Variants in ANKAR observed in about 807,000 individuals in gnomAD.
ANKAR encodes ankyrin and armadillo repeat containing.
In ANKAR, 136 loss-of-function variants were observed where a neutral mutation model predicts 146.2. That is an observed-to-expected ratio of 0.93 (90% confidence interval 0.81 to 1.07). The LOEUF (loss-of-function observed/expected upper bound fraction) is 1.07, where lower values mean the gene tolerates loss of function less well. Ranked by LOEUF, ANKAR falls within the 50% of genes least tolerant of loss-of-function variation. ANKAR has a pLI of 0.00. For synonymous variants in ANKAR, 500 were observed against 575.8 expected, an observed-to-expected ratio of 0.87 and a Z score of 1.88; for missense variants, 1,567 against 1,679.9, an observed-to-expected ratio of 0.93 and a Z score of 1.18.
chr2:189,682,548 C>A (rs2105756040), intron 2 of ANKAR, among the ~76,000 whole-genome samples: 1 of 152,228 alleles, frequency 6.6e-6, no homozygotes, highest in South Asian at 2.1e-4. Context: ...ACTGTGAAAT[C>A]CTACAGGGCC....
intron 17 of ANKAR, among the ~76,000 whole-genome samples, chr2:189,736,502 T>TTTTTTTTTTTTTG (rs1422561376): frequency 1.1e-4 from 15 of 142,066 alleles, no homozygotes; most frequent in African/African-American, 3.6e-4. Flanking sequence ...TGACTGGGTT[T>TTTTTTTTTTTTTG]TGTGTGTGTG....
intron 9 of ANKAR, among the ~76,000 whole-genome samples, chr2:189,708,787 G>A (rs530339298): frequency 2.6e-5 from 4 of 152,144 alleles, no homozygotes; most frequent in Admixed American, 1.3e-4. Flanking sequence ...ACTATCCTCC[G>A]TTTCAGGCAT....
At chr2:189,727,811 A>G (rs2042039626) in intron 12 of ANKAR, 45 bp from the exon 13 acceptor site, 10 of 1,586,620 alleles carry the variant, frequency 6.3e-6, no homozygotes, top group South Asian at 1.1e-5. Flanking sequence ...TGATATTCTT[A>G]TTTTTCATAA....
At chr2:189,726,751 G>C (rs547814507) in intron 12 of ANKAR, among the ~76,000 whole-genome samples, 2 of 152,166 alleles carry the variant, frequency 1.3e-5, no homozygotes, top group African/African-American at 4.8e-5. Context: ...TCTACTAATT[G>C]CCTTGTAGTT....
At chr2:189,691,954 G>T (rs192414704) in intron 3 of ANKAR, among the ~76,000 whole-genome samples, 2 of 152,006 alleles carry the variant, frequency 1.3e-5, no homozygotes, top group Non-Finnish European at 2.9e-5. Context: ...TAGAGACGGG[G>T]TTTCACCATG....
chr2:189,696,494 G>T, intron 7 of ANKAR, 125 bp downstream of exon 7: 1 of 847,414 alleles, frequency 1.2e-6, no homozygotes, highest in Non-Finnish European at 1.8e-6. Context: ...TGAGGTTTTT[G>T]TTTCATTTAT....
chr2:189,705,279 A>G, intron 8 of ANKAR, 55 bp downstream of exon 8: 3 of 1,523,758 alleles, frequency 2.0e-6, no homozygotes, highest in Non-Finnish European at 2.7e-6. Context: ...CAATAATAAA[A>G]AAAAAAGAAG....
Position 189,719,638 on chromosome 2 carries a change from G to T in ANKAR, c.2291G>T (p.Gly764Val). The T allele has an allele frequency of 6.2e-7, 1 of 1,613,840 alleles. No individual in the cohort carries two copies. Among genetic ancestry groups the T allele is most frequent in the East Asian group, 2.2e-5 (1 of 44,872 alleles). The change falls in exon 11 of 23, where the codon GGG (glycine) becomes GTG (valine). Residue 764 changes from glycine to valine, a missense_variant. Physicochemically the swap from Gly to Val is moderately radical, Grantham distance 109 (BLOSUM62 -3). Transcript: ENST00000684021. ...ATAAAACTGCAGTGCAAAACTGTTG[G>T]GTTATTGAGTAATATCTCAACCCAC... is the stretch of plus-strand genomic sequence containing the variant. ...SKIKLQCKTVGLLSNISTHKS... is the reference protein window; with the variant it reads ...SKIKLQCKTVVLLSNISTHKS...
chr2:189,724,879 T>C (rs557823171), intron 12 of ANKAR, among the ~76,000 whole-genome samples: 25 of 152,126 alleles, frequency 1.6e-4, no homozygotes, highest in Non-Finnish European at 3.5e-4. Flanking sequence ...TCTACAAGGC[T>C]GGGGGAAATG....
chr2:189,715,337 A>G (rs143975814), intron 10 of ANKAR, among the ~76,000 whole-genome samples: 31 of 152,354 alleles, frequency 2.0e-4, no homozygotes, highest in African/African-American at 7.2e-4. Context: ...CAGAAAATCT[A>G]GAAGAAATGG....
chr2:189,694,265 G>A (rs2036865782), intron 5 of ANKAR, among the ~76,000 whole-genome samples: 1 of 152,098 alleles, frequency 6.6e-6, no homozygotes, highest in African/African-American at 2.4e-5. Flanking sequence ...GCAATAAATA[G>A]TTGCATTTGG....
chr2:189,711,379 C>T (rs182299524), intron 10 of ANKAR, among the ~76,000 whole-genome samples: 17 of 152,022 alleles, frequency 1.1e-4, no homozygotes, highest in Non-Finnish European at 1.8e-4. Context: ...TCTAAAAGCT[C>T]GAAAAATTAA....
intron 2 of ANKAR, among the ~76,000 whole-genome samples, chr2:189,684,877 T>G (rs1308093664): frequency 6.6e-6 from 1 of 151,824 alleles, no homozygotes; most frequent in African/African-American, 2.4e-5. Context: ...AAACTTTTGT[T>G]TCCCCTCATT....
chr2:189,703,764 A>G (rs2038430949), intron 7 of ANKAR, among the ~76,000 whole-genome samples: 1 of 152,250 alleles, frequency 6.6e-6, no homozygotes, highest in African/African-American at 2.4e-5. Flanking sequence ...GGGTTGGACA[A>G]AAATTGGGAG....
chr2:189,714,947 CAAAAA>C (rs71401215), intron 10 of ANKAR, among the ~76,000 whole-genome samples: 2 of 88,678 alleles, frequency 2.3e-5, no homozygotes, highest in Admixed American at 1.3e-4. Flanking sequence ...CTCCATCTCA[CAAAAA>C]AAAAAAAAAA....
intron 20 of ANKAR, among the ~76,000 whole-genome samples, chr2:189,742,273 T>A (rs1156350681): frequency 6.6e-6 from 1 of 152,184 alleles, no homozygotes; most frequent in Non-Finnish European, 1.5e-5. Flanking sequence ...GGTCCAGGGT[T>A]CAAGGTTTAG....
chr2:189,695,408 G>C (rs1327866420), intron 6 of ANKAR, among the ~76,000 whole-genome samples: 1 of 152,096 alleles, frequency 6.6e-6, no homozygotes, highest in Non-Finnish European at 1.5e-5. Context: ...TGCTTATTTT[G>C]TATGTTAGGC....
At chr2:189,740,293 A>G (rs2043202498) in intron 19 of ANKAR, among the ~76,000 whole-genome samples, 1 of 152,302 alleles carries the variant, frequency 6.6e-6, no homozygotes, top group Non-Finnish European at 1.5e-5. Flanking sequence ...GGTCTTTTTA[A>G]CTTTAAATAG....
chr2:189,754,296 C>T, intron 18 of ANKAR: 1 of 1,613,764 alleles, frequency 6.2e-7, no homozygotes, highest in Non-Finnish European at 8.5e-7. Context: ...TTTCCCACCA[C>T]TCATGGTGGA....
Sources: allele counts gnomAD v4.1 joint callset (sites outside exome capture counted in the v4.1 genomes callset), GRCh38; gene constraint gnomAD v4.1.1; transcripts MANE v1.5; gene names NCBI Gene and HGNC (gene_info 2026-07-23, HGNC 2026-07-21).